ZBTB26: variants seen among roughly 807,000 people sequenced by gnomAD.
ZBTB26 encodes zinc finger and BTB domain-containing protein 26.
In ZBTB26, 12 loss-of-function variants were observed where a neutral mutation model predicts 31.6. The ratio of observed to expected loss-of-function variants is 0.38; its 90% CI spans 0.24 to 0.61. The LOEUF (loss-of-function observed/expected upper bound fraction) is 0.61. ZBTB26 is among the 20% of genes least tolerant of loss of function. The pLI is 0.60. For synonymous variants in ZBTB26, 155 were observed against 182.9 expected (o/e 0.85, Z 1.23); for missense variants, 311 against 521.9 (o/e 0.60, Z 3.94).
At position 122,917,122 on chromosome 9, in the gene ZBTB26, A is replaced by G. The variant is rs1158647319; in HGVS notation, c.*1487T>C. The G allele has an allele frequency of 6.6e-6, 1 of 152,246 alleles. No individual in the cohort carries two copies. The highest frequency in any genetic ancestry group is 1.5e-5 in the Non-Finnish European group (1 of 68,042). The allele number at this position is 152,246 out of a possible 1,614,324, so 9.4% of individuals were successfully genotyped here. A position where few individuals can be genotyped will look rare whatever the true frequency, so the allele number is the denominator to read the frequency against. On this transcript the variant is annotated 3_prime_UTR_variant, in exon 2 of 2. Transcript: ENST00000373656. ...AATCCCTCTGCGATATTTTGTTGGC[A>G]AAATTCAGGTTGTCTCAGAAAGCCA... is the stretch of plus-strand genomic sequence containing the variant.
At chr9:122,930,719 A>G (rs1325402295) in intron 1 of ZBTB26, among the ~76,000 whole-genome samples, 3 of 152,166 alleles carry the variant, frequency 2.0e-5, no homozygotes, top group African/African-American at 7.2e-5. Flanking sequence ...CTCTTCCCAC[A>G]CAAGTTATGC....
chr9:122,925,613 T>C (rs1248715437), intron 1 of ZBTB26, among the ~76,000 whole-genome samples: 1 of 152,062 alleles, frequency 6.6e-6, no homozygotes, highest in African/African-American at 2.4e-5. Context: ...TTTTTCTTGT[T>C]TTGAGATGTA....
chr9:122,919,281 G>A lies in ZBTB26; in HGVS notation c.654C>T (p.His218=), dbSNP rs1422007745. Residue 218 remains histidine (H), a synonymous_variant, in exon 2 of 2, where the codon CAC becomes CAT. Coordinates refer to ENST00000373656, the MANE Select transcript of ZBTB26 (RefSeq NM_020924.4). This position sits in a 1 kb window ranked among gnomAD's most constrained non-coding sequence, Gnocchi z 6.1. ...TTTCCACAGTTGAATTTATCAGGGA[G>A]TGCTGGGGCTCTGATGAATGTAAAG... ...PTALHSSEPQ[H]SLINSTVENR... 10 of 1,614,206 alleles carry A rather than the reference G, an allele frequency of 6.2e-6. No individual in the cohort carries two copies. Among genetic ancestry groups the A allele is most frequent in the East Asian group, 2.2e-5 (1 of 44,890 alleles).
rs1003580121 is a variant in ZBTB26, at chr9:122,918,198, A to C, written c.*411T>G. The C allele has an allele frequency of 4.3e-5, 7 of 164,442 alleles. No homozygotes were observed. The highest frequency in any genetic ancestry group is 1.2e-4 in the Admixed American group (2 of 16,854). 10.2% of individuals were successfully genotyped at this position (164,442 alleles called of 1,614,324 possible). The stretch of plus-strand genomic sequence containing the variant: ...CAATAGCAATATCACCTTATATCTC[A>C]GCCTATTTTCTACCAAAGAAAGATT... On this transcript the variant is annotated 3_prime_UTR_variant, in exon 2 of 2. Transcript: ENST00000373656.
At chr9:122,920,144 T>C (rs974105722) in intron 1 of ZBTB26, among the ~76,000 whole-genome samples, 200 bp from the exon 2 acceptor site, 5 of 152,214 alleles carry the variant, frequency 3.3e-5, no homozygotes, top group African/African-American at 4.8e-5. Flanking sequence ...CAAGTGCCAA[T>C]TGCACCTAAA....
At position 122,919,716 on chromosome 9, in the gene ZBTB26, G is replaced by C; in HGVS notation, c.219C>G (p.Ser73=). The change falls in exon 2 of 2, where the codon TCC becomes TCG. Residue 73 remains serine (S), a synonymous_variant. Coordinates refer to ENST00000373656, the MANE Select transcript of ZBTB26 (RefSeq NM_020924.4). The surrounding 1 kb of genome is among the most constrained non-coding windows in gnomAD (Gnocchi z 6.1). The part of the protein sequence containing the change: ...LLNDSREVKI[S]ILQSSEVGRQ... ...TCCCCACTTCGGAACTCTGTAATAT[G>C]GAGATTTTCACCTCTCTGGAATCAT... 1 of 1,614,092 alleles carries C rather than the reference G, an allele frequency of 6.2e-7. No homozygotes were observed. Among genetic ancestry groups the C allele is most frequent in the East Asian group, 2.2e-5 (1 of 44,884 alleles).
At chr9:122,924,956 T>C (rs932114863) in intron 1 of ZBTB26, among the ~76,000 whole-genome samples, 1 of 152,194 alleles carries the variant, frequency 6.6e-6, no homozygotes, top group Non-Finnish European at 1.5e-5. Context: ...TTTAAACACT[T>C]AAAAAAAATT....
chr9:122,919,130 G>A lies in ZBTB26; in HGVS notation c.805C>T (p.Leu269=), dbSNP rs751563664. Residue 269 remains leucine (L), a synonymous_variant, in exon 2 of 2, where the codon CTA becomes TTA. Coordinates refer to ENST00000373656, the MANE Select transcript of ZBTB26 (RefSeq NM_020924.4). This position sits in a 1 kb window ranked among gnomAD's most constrained non-coding sequence, Gnocchi z 6.1. Reference sequence around the variant, plus strand: ...TTTGGGCACTGGTGATGCCACTGTAGGCCTTTGTCTACACCTCGAATATTA... The same window carrying A: ...TTTGGGCACTGGTGATGCCACTGTAAGCCTTTGTCTACACCTCGAATATTA... ...GPNIRGVDKG[L]QWHHQCPKCT... is the part of the protein sequence containing the mutation. 1 of 1,614,174 alleles carries A rather than the reference G, an allele frequency of 6.2e-7. No individual in the cohort carries two copies. Among genetic ancestry groups the A allele is most frequent in the Admixed American group, 1.7e-5 (1 of 60,030 alleles).
intron 1 of ZBTB26, among the ~76,000 whole-genome samples, chr9:122,923,183 C>A (rs1274870810): frequency 2.0e-3 from 234 of 116,220 alleles, no homozygotes; most frequent in South Asian, 2.6e-3. Context: ...GACTCCATCT[C>A]AAAAAAAAAA....
rs1254927381 is a variant in ZBTB26 at position 122,915,805 on chromosome 9, G to A, written c.*2804C>T. The A allele has an allele frequency of 6.6e-6, 1 of 152,128 alleles. No individual in the cohort carries two copies. The highest frequency in any genetic ancestry group is 1.5e-5 in the Non-Finnish European group (1 of 68,032). The allele number at this position is 152,128 out of a possible 1,614,324, so 9.4% of individuals were successfully genotyped here. Reference sequence around the variant, plus strand: ...TTTACCTCAGAGCCACTTCAGTTTGGAGTTTAGTATTAAATAATAAATAAA... The same window carrying A: ...TTTACCTCAGAGCCACTTCAGTTTGAAGTTTAGTATTAAATAATAAATAAA... On this transcript the variant is annotated 3_prime_UTR_variant, in exon 2 of 2. Transcript: ENST00000373656.
At chr9:122,923,776 TA>T (rs545755814) in intron 1 of ZBTB26, among the ~76,000 whole-genome samples, 30 of 152,352 alleles carry the variant, frequency 2.0e-4, no homozygotes, top group South Asian at 1.9e-3. Flanking sequence ...TTCCTTGCTC[TA>T]AAGATGAAGA....
intron 1 of ZBTB26, among the ~76,000 whole-genome samples, chr9:122,924,430 C>T (rs912676127): frequency 6.6e-6 from 1 of 152,076 alleles, no homozygotes; most frequent in African/African-American, 2.4e-5. Context: ...GTTTGTTATA[C>T]TTTATACAGC....
rs1833008641 is a variant in ZBTB26, at chr9:122,915,576, A to G, written c.*3033T>C. 1 of 152,210 alleles carries G rather than the reference A, an allele frequency of 6.6e-6. No homozygotes were observed. The highest frequency in any genetic ancestry group is 2.4e-5 in the African/African-American group (1 of 41,456). The allele number at this position is 152,210 out of a possible 1,614,324, so 9.4% of individuals were successfully genotyped here. A position where few individuals can be genotyped will look rare whatever the true frequency, so the allele number is the denominator to read the frequency against. On this transcript the variant is annotated 3_prime_UTR_variant, in exon 2 of 2. Coordinates refer to ENST00000373656, the MANE Select transcript of ZBTB26 (RefSeq NM_020924.4). ...CAATGACACCAGAGCTTTAATCGTCACACTTTTATTAAGGAAACTTCCCCA... is the reference window on the plus strand; with the variant it reads ...CAATGACACCAGAGCTTTAATCGTCGCACTTTTATTAAGGAAACTTCCCCA...
intron 1 of ZBTB26, among the ~76,000 whole-genome samples, chr9:122,920,448 C>T (rs951586396): frequency 3.3e-5 from 5 of 152,230 alleles, no homozygotes; most frequent in African/African-American, 1.2e-4. Context: ...AAAAACTGGT[C>T]TCTGAAGAAG....
intron 1 of ZBTB26, among the ~76,000 whole-genome samples, chr9:122,928,842 C>T (rs561792820): frequency 5.4e-4 from 82 of 152,256 alleles, no homozygotes; most frequent in South Asian, 4.1e-4. Flanking sequence ...AAAAAAATTT[C>T]TTATGGAGAA....
intron 1 of ZBTB26, among the ~76,000 whole-genome samples, chr9:122,927,146 T>C (rs2131541410): frequency 6.6e-6 from 1 of 152,340 alleles, no homozygotes; most frequent in East Asian, 1.9e-4. Flanking sequence ...CCTCAGTTAC[T>C]GAGATTAAAT....
Position 122,917,120 on chromosome 9 carries a change from G to A in ZBTB26, c.*1489C>T, listed in dbSNP as rs554106336. 1 of 152,260 alleles carries A rather than the reference G, an allele frequency of 6.6e-6. No homozygotes were observed. The highest frequency in any genetic ancestry group is 6.5e-5 in the Admixed American group (1 of 15,294). 9.4% of individuals were successfully genotyped at this position (152,260 alleles called of 1,614,324 possible). A position where few individuals can be genotyped will look rare whatever the true frequency, so the allele number is the denominator to read the frequency against. On this transcript the variant is annotated 3_prime_UTR_variant, in exon 2 of 2. Coordinates refer to ENST00000373656, the MANE Select transcript of ZBTB26 (RefSeq NM_020924.4). ...TAAATCCCTCTGCGATATTTTGTTG[G>A]CAAAATTCAGGTTGTCTCAGAAAGC... is the stretch of plus-strand genomic sequence containing the variant.
In ZBTB26 at chr9:122,916,049, A is replaced by G. The variant is rs984754698; in HGVS notation, c.*2560T>C. On this transcript the variant is annotated 3_prime_UTR_variant, in exon 2 of 2. Coordinates refer to ENST00000373656, the MANE Select transcript of ZBTB26 (RefSeq NM_020924.4). ...TTGCAATATAATCTAACAAACACGT[A>G]TAAGCAAAGAAGGAGGAAAGTGAAG... 8 of 152,354 alleles carry G rather than the reference A, an allele frequency of 5.3e-5. No individual in the cohort carries two copies. The East Asian group carries it at 9.6e-4, about 18-fold the overall frequency. 9.4% of individuals were successfully genotyped at this position (152,354 alleles called of 1,614,324 possible). A position where few individuals can be genotyped will look rare whatever the true frequency, so the allele number is the denominator to read the frequency against.
At position 122,919,569 on chromosome 9, in the gene ZBTB26, G is replaced by C; in HGVS notation, c.366C>G (p.Ala122=). The change falls in exon 2 of 2, where the codon GCC becomes GCG. Residue 122 remains alanine (A), a synonymous_variant. Transcript: ENST00000373656. This position sits in a 1 kb window ranked among gnomAD's most constrained non-coding sequence, Gnocchi z 6.1. Reference sequence around the variant, plus strand: ...GTTTTGGCTTTATAAACTTCCACAGGGCCTGTGTGCACCGTTCTACAATGT... The same window carrying C: ...GTTTTGGCTTTATAAACTTCCACAGCGCCTGTGTGCACCGTTCTACAATGT... ...MSHIVERCTQ[A]LWKFIKPKQP... The C allele has an allele frequency of 6.2e-7, 1 of 1,614,100 alleles. No individual in the cohort carries two copies. The highest frequency in any genetic ancestry group is 8.5e-7 in the Non-Finnish European group (1 of 1,180,014).
Sources: allele counts gnomAD v4.1 joint callset (sites outside exome capture counted in the v4.1 genomes callset), GRCh38; gene constraint gnomAD v4.1.1; non-coding constraint Gnocchi (gnomAD v3.1); transcripts MANE v1.5; gene names NCBI Gene and HGNC (gene_info 2026-07-23, HGNC 2026-07-21).